The following CNTNAP2 variants were observed in gnomAD, a reference collection of about 807,000 sequenced individuals.
CNTNAP2 encodes contactin associated protein 2, also known as contactin-associated protein-like 2.
CNTNAP2 carries 98 observed loss-of-function variants against 155.2 expected under a neutral mutation model. The ratio of observed to expected loss-of-function variants is 0.63; its 90% confidence interval spans 0.54 to 0.75. CNTNAP2 has a LOEUF of 0.75. CNTNAP2 is among the 30% of genes least tolerant of loss of function. The pLI, the probability that CNTNAP2 is intolerant of heterozygous loss-of-function variation, is 0.00. For missense variants in CNTNAP2, 1,727 were observed against 1,688.1 expected, an observed-to-expected ratio of 1.02 and a Z score of -0.40; for synonymous variants, 651 against 631.2, an observed-to-expected ratio of 1.03 and a Z score of -0.47.
At chr7:147,941,166 C>T (rs1800714540) in intron 14 of CNTNAP2, among the ~76,000 whole-genome samples, 1 of 152,052 alleles carries the variant, frequency 6.6e-6, no homozygotes, top group South Asian at 2.1e-4. Context: ...GCACTGTGCC[C>T]CGGAGACTGG....
chr7:146,955,536 T>C (rs551845945), intron 3 of CNTNAP2, among the ~76,000 whole-genome samples: 8 of 152,124 alleles, frequency 5.3e-5, no homozygotes, highest in Non-Finnish European at 1.0e-4. Flanking sequence ...TGTGCCTCAC[T>C]AAGGTAAACA....
chr7:146,141,818 T>C (rs994889319), intron 1 of CNTNAP2, among the ~76,000 whole-genome samples: 2 of 152,156 alleles, frequency 1.3e-5, no homozygotes, highest in Non-Finnish European at 2.9e-5. Context: ...AAGAAAAATG[T>C]AAAATTCAAA....
chr7:146,780,843 C>T (rs1192632402), intron 2 of CNTNAP2, among the ~76,000 whole-genome samples: 2 of 151,836 alleles, frequency 1.3e-5, no homozygotes, highest in East Asian at 1.9e-4. Context: ...GACACAGGGA[C>T]GGGAACATAA....
At chr7:148,250,870 C>T (rs1478717690) in intron 20 of CNTNAP2, among the ~76,000 whole-genome samples, 6 of 152,136 alleles carry the variant, frequency 3.9e-5, no homozygotes, top group African/African-American at 7.2e-5. Flanking sequence ...TGTTTAGAGT[C>T]GGAGTCTCAC....
At chr7:147,596,671 A>G (rs893726329) in intron 12 of CNTNAP2, among the ~76,000 whole-genome samples, 3 of 152,160 alleles carry the variant, frequency 2.0e-5, no homozygotes, top group Non-Finnish European at 4.4e-5. Context: ...TGTCAGAGGC[A>G]TTCAAACCAG....
At chr7:148,313,303 G>A (rs944315989) in intron 21 of CNTNAP2, among the ~76,000 whole-genome samples, 32 of 150,774 alleles carry the variant, frequency 2.1e-4, no homozygotes, top group African/African-American at 5.6e-4. Context: ...CGAGGTGATC[G>A]GGCAGCGTCC....
chr7:146,226,064 A>G (rs563336113), intron 1 of CNTNAP2, among the ~76,000 whole-genome samples: 36 of 152,266 alleles, frequency 2.4e-4, no homozygotes, highest in Admixed American at 1.4e-3. Flanking sequence ...CTCTAATCCC[A>G]TTTCTTAGAA....
chr7:147,274,353 G>T (rs1031023500), intron 8 of CNTNAP2, among the ~76,000 whole-genome samples: 1 of 152,064 alleles, frequency 6.6e-6, no homozygotes, highest in Non-Finnish European at 1.5e-5. Context: ...ATTCTGACTT[G>T]TATAAGATGA....
intron 1 of CNTNAP2, among the ~76,000 whole-genome samples, chr7:146,539,293 A>G (rs1240653984): frequency 6.6e-6 from 1 of 152,052 alleles, no homozygotes; most frequent in Non-Finnish European, 1.5e-5. Flanking sequence ...TTTCTGAAGA[A>G]TGAGGAAGGG....
At chr7:148,023,481 T>C (rs368476286) in intron 15 of CNTNAP2, among the ~76,000 whole-genome samples, 12 of 152,336 alleles carry the variant, frequency 7.9e-5, no homozygotes, top group East Asian at 1.9e-4. Flanking sequence ...GTGTTTCCTC[T>C]TGTCTGGTTG....
chr7:146,640,855 A>G (rs1041742779), intron 1 of CNTNAP2, among the ~76,000 whole-genome samples: 3 of 152,212 alleles, frequency 2.0e-5, no homozygotes, highest in African/African-American at 7.2e-5. Context: ...GGAAAAGGAA[A>G]CAAATCTCAC....
intron 3 of CNTNAP2, among the ~76,000 whole-genome samples, chr7:146,878,378 G>A (rs1328649274): frequency 4.0e-5 from 6 of 151,148 alleles, no homozygotes; most frequent in African/African-American, 1.5e-4. Flanking sequence ...TAGTCACTTA[G>A]GAATATTTTT....
chr7:146,866,240 TATTATC>T (rs1288908198), intron 3 of CNTNAP2, among the ~76,000 whole-genome samples: 1 of 152,096 alleles, frequency 6.6e-6, no homozygotes, highest in Non-Finnish European at 1.5e-5. Context: ...ATAAAAGAAA[TATTATC>T]AATAGGAAAT....
intron 18 of CNTNAP2, among the ~76,000 whole-genome samples, chr7:148,176,209 C>CTT (rs1794931698): frequency 8.1e-6 from 1 of 123,170 alleles, no homozygotes; most frequent in African/African-American, 3.3e-5. Context: ...TTCTTTCTTT[C>CTT]TCTTTTTTTT....
chr7:148,199,496 T>C (rs563591606), intron 18 of CNTNAP2, among the ~76,000 whole-genome samples: 2 of 152,328 alleles, frequency 1.3e-5, no homozygotes, highest in East Asian at 3.9e-4. Flanking sequence ...ATGATTCCAA[T>C]GCCCATGTCG....
At chr7:147,162,542 A>C (rs374301878) in intron 8 of CNTNAP2, among the ~76,000 whole-genome samples, 1 of 152,146 alleles carries the variant, frequency 6.6e-6, no homozygotes, top group South Asian at 2.1e-4. Context: ...TATGCTGAAA[A>C]TATTTGTTTA....
rs1049252350 is a variant in CNTNAP2, at chr7:148,016,283, T to C, written c.2383+38294T>C. On this transcript the variant is annotated intron_variant, in intron 15 of 23. Transcript: ENST00000361727. ...TTCTGCATGGCGGTAGAGCTGATTG[T>C]GATACCTCTGTCCACCTATGCCAGC... Among the ~76,000 whole-genome samples the C allele has an allele frequency of 1.4e-4, 22 of 152,236 alleles. 1 individual carries two copies. The highest frequency in any genetic ancestry group is 5.2e-4 in the Admixed American group (8 of 15,276).
At chr7:148,398,179 C>T (rs1244860907) in intron 22 of CNTNAP2, among the ~76,000 whole-genome samples, 1 of 152,218 alleles carries the variant, frequency 6.6e-6, no homozygotes, top group East Asian at 1.9e-4. Flanking sequence ...GAGACAGAAT[C>T]TGGTCAGCTG....
chr7:146,451,905 ATTATTTAT>A (rs1584931902), intron 1 of CNTNAP2, among the ~76,000 whole-genome samples: 1 of 87,582 alleles, frequency 1.1e-5, no homozygotes, highest in Non-Finnish European at 2.1e-5. Context: ...TTATTTATTT[ATTATTTAT>A]TTATTTATTT....
Sources: allele counts gnomAD v4.1 joint callset (sites outside exome capture counted in the v4.1 genomes callset), GRCh38; gene constraint gnomAD v4.1.1; transcripts MANE v1.5; gene names NCBI Gene and HGNC (gene_info 2026-07-23, HGNC 2026-07-21).